The following ST18 variants were observed in gnomAD, a reference collection of about 807,000 sequenced individuals.
ST18 encodes the protein ST18 C2H2C-type zinc finger transcription factor.
A neutral mutation model predicts 110.0 loss-of-function variants in ST18; 50 were observed. That is an observed-to-expected ratio of 0.45 (90% confidence interval 0.36 to 0.58). The LOEUF is 0.58. Among genes scored for constraint, ST18 ranks in the 20% least tolerant of loss-of-function variants. ST18 has a pLI of 0.00. For synonymous variants in ST18, 461 were observed against 452.4 expected (o/e 1.02, Z -0.24); for missense variants, 1,306 against 1,280.1 (o/e 1.02, Z -0.31).
At chr8:52,283,137 G>C (rs2139188041) in intron 2 of ST18, among the ~76,000 whole-genome samples, 1 of 152,318 alleles carries the variant, frequency 6.6e-6, no homozygotes, top group Middle Eastern at 3.4e-3. Flanking sequence ...TGGTGGATTA[G>C]ATATGGAATG....
chr8:52,258,952 C>T (rs117601269), intron 2 of ST18, among the ~76,000 whole-genome samples: 62 of 152,226 alleles, frequency 4.1e-4, no homozygotes, highest in Non-Finnish European at 7.1e-4. Flanking sequence ...CTAGGGAGAC[C>T]AAAAACAAAT....
At chr8:52,276,034 C>T (rs1222610421) in intron 2 of ST18, among the ~76,000 whole-genome samples, 1 of 18,242 alleles carries the variant, frequency 5.5e-5, no homozygotes, top group African/African-American at 1.7e-4. Context: ...CACACACACA[C>T]CACATGCACA....
chr8:52,389,888 A>C lies in ST18; in HGVS notation c.-465+19440T>G, dbSNP rs187163145. Among the ~76,000 whole-genome samples, 229 of 152,338 alleles carry C rather than the reference A, an allele frequency of 1.5e-3. 3 individuals are homozygous for C. Among genetic ancestry groups the C allele is most frequent in the Admixed American group, 0.014 (208 of 15,310 alleles). On this transcript the variant is annotated intron_variant, in intron 2 of 25. Transcript: ENST00000689386. ...GGGAATGTTTACAAGGAAAATACAG[A>C]TACAGCTGGCTATTGTGCATTTTTC...
At position 52,172,064 on chromosome 8, in the gene ST18, G is replaced by T. The variant is rs1446873806; in HGVS notation, c.797C>A (p.Pro266His). The change falls in exon 10 of 26, where the codon CCC (proline) becomes CAC (histidine). Residue 266 changes from proline to histidine, a missense_variant. Pro to His is a moderately conservative substitution (Grantham distance 77). Transcript: ENST00000689386. ...RKDPQNALAE[P>H]LDGNAQPSFP... ...TGAGGGCTGGGCATTGCCATCCAGG[G>T]GTTCTGCGAGAGCATTCTGCGGGTC... is the stretch of plus-strand genomic sequence containing the variant. 15 of 1,614,116 alleles carry T rather than the reference G, an allele frequency of 9.3e-6. No individual in the cohort carries two copies. The highest frequency in any genetic ancestry group is 1.2e-5 in the Non-Finnish European group (14 of 1,180,054).
chr8:52,209,779 A>G (rs1281454574), intron 8 of ST18, among the ~76,000 whole-genome samples: 1 of 137,418 alleles, frequency 7.3e-6, no homozygotes, highest in Non-Finnish European at 1.5e-5. Context: ...TCAAAAAAAA[A>G]AAAAAAAAAA....
chr8:52,116,295 C>T lies in ST18; in HGVS notation c.2983G>A (p.Asp995Asn). Residue 995 changes from aspartate to asparagine, a missense_variant, in exon 25 of 26, where the codon GAC (aspartate) becomes AAC (asparagine). Transcript: ENST00000689386. ...LSQALISSLADIQLPQMGPIS... is the reference protein window; with the variant it reads ...LSQALISSLANIQLPQMGPIS... ...CTTACCATCTGTGGAAGCTGGATGTCAGCAAGGCTTGAAATGAGAGCTTGG... is the reference window on the plus strand; with the variant it reads ...CTTACCATCTGTGGAAGCTGGATGTTAGCAAGGCTTGAAATGAGAGCTTGG... The T allele has an allele frequency of 6.2e-7, 1 of 1,613,740 alleles. No homozygotes were observed. The highest frequency in any genetic ancestry group is 8.5e-7 in the Non-Finnish European group (1 of 1,179,860).
chr8:52,126,032 A>G lies in ST18; in HGVS notation c.2755+20T>C, dbSNP rs748845476. The G allele has an allele frequency of 6.8e-6, 11 of 1,612,120 alleles. No homozygotes were observed. Among genetic ancestry groups the G allele is most frequent in the East Asian group, 2.2e-5 (1 of 44,870 alleles). On this transcript the variant is annotated intron_variant, in intron 23 of 25. Coordinates refer to ENST00000689386, the MANE Select transcript of ST18 (RefSeq NM_001352837.2). ...TCTACACCCTGCAGGAGGTGGTGAC[A>G]GCCAGCCCTGTGCTCTTACCCCCAG... is the stretch of plus-strand genomic sequence containing the variant.
chr8:52,363,596 C>A (rs1012787822), intron 2 of ST18, among the ~76,000 whole-genome samples: 2 of 152,164 alleles, frequency 1.3e-5, no homozygotes, highest in African/African-American at 4.8e-5. Context: ...AATTTTTTAT[C>A]TAGCAGTGCC....
At chr8:52,348,646 A>G (rs1367514019) in intron 2 of ST18, among the ~76,000 whole-genome samples, 1 of 152,126 alleles carries the variant, frequency 6.6e-6, no homozygotes, top group Admixed American at 6.5e-5. Context: ...CGGGAGGCTG[A>G]GGTAGAAGAA....
intron 2 of ST18, among the ~76,000 whole-genome samples, chr8:52,237,432 A>G (rs1441974296): frequency 4.6e-5 from 7 of 152,226 alleles, no homozygotes; most frequent in African/African-American, 1.7e-4. Flanking sequence ...TAACAAATAT[A>G]TGAATCAGGA....
At chr8:52,143,084 A>T (rs754918749) in intron 16 of ST18, 39 bp from the exon 17 acceptor site, 1 of 1,335,554 alleles carries the variant, frequency 7.5e-7, no homozygotes. Context: ...CACAGAAGCC[A>T]TTAGGGAACC....
At chr8:52,344,668 T>C (rs1366476604) in intron 2 of ST18, among the ~76,000 whole-genome samples, 1 of 152,328 alleles carries the variant, frequency 6.6e-6, no homozygotes, top group East Asian at 1.9e-4. Context: ...CCCAAAGTGT[T>C]GGGATTACAG....
chr8:52,268,519 C>T (rs1264015913), intron 2 of ST18, among the ~76,000 whole-genome samples: 7 of 116,636 alleles, frequency 6.0e-5, no homozygotes, highest in African/African-American at 1.9e-4. Flanking sequence ...ATTTATCTAT[C>T]TATCTTACTA....
At position 52,136,663 on chromosome 8, in the gene ST18, A is replaced by G. The variant is rs1448038331; in HGVS notation, c.2232-5T>C. The G allele has an allele frequency of 1.2e-6, 2 of 1,603,628 alleles. No homozygotes were observed. Among genetic ancestry groups the G allele is most frequent in the Non-Finnish European group, 1.7e-6 (2 of 1,175,060 alleles). ...GCTAAAGGACATCCAGAAACACTAGAGAGGGATGAGGAAAAAAACACAACA... is the reference window on the plus strand; with the variant it reads ...GCTAAAGGACATCCAGAAACACTAGGGAGGGATGAGGAAAAAAACACAACA... On this transcript the variant is annotated splice_region_variant and splice_polypyrimidine_tract_variant and intron_variant, in intron 18 of 25. Transcript: ENST00000689386.
intron 2 of ST18, among the ~76,000 whole-genome samples, chr8:52,238,972 G>A (rs2093073461): frequency 6.6e-6 from 1 of 152,064 alleles, no homozygotes; most frequent in African/African-American, 2.4e-5. Flanking sequence ...ATATATCCAT[G>A]TAACAAAACT....
intron 23 of ST18, 69 bp downstream of exon 23, chr8:52,125,983 A>C: frequency 4.8e-6 from 6 of 1,238,668 alleles, no homozygotes; most frequent in Non-Finnish European, 6.9e-6. Context: ...ACTTTGACAC[A>C]CGGAACGCTT....
At chr8:52,117,798 T>G (rs2043075328) in intron 24 of ST18, among the ~76,000 whole-genome samples, 1 of 152,206 alleles carries the variant, frequency 6.6e-6, no homozygotes, top group Non-Finnish European at 1.5e-5. Flanking sequence ...GATTCATGTT[T>G]TAAAAATCTT....
chr8:52,308,141 A>G (rs2095844317), intron 2 of ST18, among the ~76,000 whole-genome samples: 1 of 152,144 alleles, frequency 6.6e-6, no homozygotes, highest in Admixed American at 6.5e-5. Flanking sequence ...TGTTCTCTAC[A>G]TTTTCAGACC....
At chr8:52,283,690 G>A (rs1040421286) in intron 2 of ST18, among the ~76,000 whole-genome samples, 1 of 152,126 alleles carries the variant, frequency 6.6e-6, no homozygotes, top group Non-Finnish European at 1.5e-5. Context: ...CTTTCACAGG[G>A]GCAGTTTCTT....
Sources: allele counts gnomAD v4.1 joint callset (sites outside exome capture counted in the v4.1 genomes callset), GRCh38; gene constraint gnomAD v4.1.1; transcripts MANE v1.5; gene names NCBI Gene and HGNC (gene_info 2026-07-23, HGNC 2026-07-21).